CENPS: variants seen among roughly 807,000 people sequenced by gnomAD.
CENPS encodes the protein centromere protein S, also known as FANCM associated histone fold protein 1.
CENPS carries 16 observed loss-of-function variants against 17.9 expected under a neutral mutation model. That is an observed-to-expected ratio of 0.90 (90% confidence interval 0.61 to 1.36). The LOEUF is 1.36. CENPS is among the 40% of genes most tolerant of loss of function. The pLI is 0.00. For missense variants in CENPS, 160 were observed against 158.6 expected, an observed-to-expected ratio of 1.01 and a Z score of -0.05; for synonymous variants, 49 against 55.8, an observed-to-expected ratio of 0.88 and a Z score of 0.54.
At chr1:10,433,742 A>AT (rs1640026163) in intron 1 of CENPS, 100 bp from the exon 2 acceptor site, 1 of 1,562,624 alleles carries the variant, frequency 6.4e-7, no homozygotes, top group South Asian at 1.2e-5. Context: ...CGCCAGAGGG[A>AT]TTGGGCTGAG....
At position 10,430,451 on chromosome 1, in the gene CENPS, C is replaced by T. The variant is rs1264613563; in HGVS notation, c.-67C>T. The T allele has an allele frequency of 1.3e-6, 2 of 1,521,596 alleles. No individual in the cohort carries two copies. Among genetic ancestry groups the T allele is most frequent in the African/African-American group, 1.4e-5 (1 of 69,082 alleles). The allele number at this position is 1,521,596 out of a possible 1,614,324, so 94.3% of individuals were successfully genotyped here. On this transcript the variant is annotated 5_prime_UTR_variant, in exon 1 of 5. Transcript: ENST00000309048. Reference sequence around the variant, plus strand: ...GTCGCTCGCGCCGCGGCGGGAAAATCCGACCTGGCCGCGCACCACCGCCCC... The same window carrying T: ...GTCGCTCGCGCCGCGGCGGGAAAATTCGACCTGGCCGCGCACCACCGCCCC...
chr1:10,430,556 C>T lies in CENPS; in HGVS notation c.39C>T (p.Phe13=), dbSNP rs951145733. Residue 13 remains phenylalanine (F), a synonymous_variant, in exon 1 of 5, where the codon TTC becomes TTT. Transcript: ENST00000309048. The part of the protein sequence containing the change: ...EEAETEEQQR[F]SYQQRLKAAV... ...CGGAGACCGAGGAGCAGCAGCGATT[C>T]TCTTACCAACAGGTACAGGAAAACG... 9.1e-6 allele frequency: 14 copies of T among 1,534,408 alleles called. No homozygotes were observed. In the African/African-American group the frequency reaches 1.6e-4, roughly 17 times the overall value.
intron 1 of CENPS, among the ~76,000 whole-genome samples, chr1:10,433,105 G>A (rs1639994756): frequency 6.6e-6 from 1 of 152,028 alleles, no homozygotes; most frequent in African/African-American, 2.4e-5. Context: ...CTGTGTCTTC[G>A]GCCCCGAGGC....
chr1:10,437,898 G>A (rs1355729188), intron 3 of CENPS, among the ~76,000 whole-genome samples: 1 of 151,202 alleles, frequency 6.6e-6, no homozygotes, highest in African/African-American at 2.4e-5. Context: ...GAGTAGCTGG[G>A]ACTACAGGCA....
At chr1:10,435,981 A>ATT (rs141993546) in intron 3 of CENPS, among the ~76,000 whole-genome samples, 5 of 142,426 alleles carry the variant, frequency 3.5e-5, no homozygotes, top group Admixed American at 7.0e-5. Flanking sequence ...TAAGAGGTTG[A>ATT]TTTTTTTTTT....
intron 1 of CENPS, chr1:10,431,341 T>C (rs1325998685): frequency 1.3e-6 from 2 of 1,535,318 alleles, no homozygotes; most frequent in Admixed American, 2.0e-5. Context: ...CTGCAGCAGC[T>C]GTCTACCCTG....
intron 3 of CENPS, 103 bp downstream of exon 3, chr1:10,434,793 G>C: frequency 1.4e-6 from 2 of 1,428,030 alleles, no homozygotes; most frequent in Non-Finnish European, 1.8e-6. Context: ...TCAGTTTTCC[G>C]TGTGTTTTGT....
chr1:10,430,836 C>T, intron 1 of CENPS: 4 of 1,338,784 alleles, frequency 3.0e-6, no homozygotes, highest in South Asian at 3.8e-5. Context: ...GAGAGGCCAC[C>T]TTCTGGCCTT....
chr1:10,441,517 T>G (rs1419777701), intron 4 of CENPS, among the ~76,000 whole-genome samples: 1 of 151,690 alleles, frequency 6.6e-6, no homozygotes, highest in Non-Finnish European at 1.5e-5. Context: ...TTTCACCATA[T>G]TGCCTGGGCT....
chr1:10,437,324 C>CCA (rs1640208190), intron 3 of CENPS, among the ~76,000 whole-genome samples: 2 of 151,542 alleles, frequency 1.3e-5, no homozygotes, highest in African/African-American at 4.9e-5. Flanking sequence ...CTGTGCCTGG[C>CCA]ATCTTTTTTC....
intron 4 of CENPS, among the ~76,000 whole-genome samples, chr1:10,441,944 A>G (rs904957754): frequency 6.6e-6 from 1 of 152,160 alleles, no homozygotes; most frequent in African/African-American, 2.4e-5. Context: ...AACTCTTAAT[A>G]ACACAACTTA....
Position 10,442,609 on chromosome 1 carries a change from A to G in CENPS, c.*204A>G. On this transcript the variant is annotated 3_prime_UTR_variant, in exon 5 of 5. Coordinates refer to ENST00000309048, the MANE Select transcript of CENPS (RefSeq NM_199294.3). ...AGAGAATGAGAAAGTCTTAAGCAAA[A>G]TACTCCCAGGTCTCACTCCAGAACA... 2 of 838,042 alleles carry G rather than the reference A, an allele frequency of 2.4e-6. No individual in the cohort carries two copies. 51.9% of individuals were successfully genotyped at this position (838,042 alleles called of 1,614,324 possible). A position where few individuals can be genotyped will look rare whatever the true frequency, so the allele number is the denominator to read the frequency against.
At chr1:10,433,713 A>G in intron 1 of CENPS, 129 bp from the exon 2 acceptor site, 1 of 1,501,008 alleles carries the variant, frequency 6.7e-7, no homozygotes. Context: ...TTGAAAAGCC[A>G]CTCAGCCATT....
intron 3 of CENPS, among the ~76,000 whole-genome samples, chr1:10,438,345 G>T (rs1194312704): frequency 6.6e-6 from 1 of 151,534 alleles, no homozygotes; most frequent in African/African-American, 2.4e-5. Flanking sequence ...GGGTTTCACT[G>T]TGTTGGCCAG....
chr1:10,430,671 C>A, intron 1 of CENPS, 103 bp downstream of exon 1: 1 of 1,439,320 alleles, frequency 6.9e-7, no homozygotes, highest in East Asian at 2.9e-5. Context: ...CGGCACCCCG[C>A]CCCCGGGCGC....
chr1:10,435,767 G>A (rs962587988), intron 3 of CENPS, among the ~76,000 whole-genome samples: 12 of 148,226 alleles, frequency 8.1e-5, no homozygotes, highest in Non-Finnish European at 1.3e-4. Flanking sequence ...TAGAGACACA[G>A]CGTCTTGGTA....
At chr1:10,434,182 A>T (rs568140710) in intron 2 of CENPS, among the ~76,000 whole-genome samples, 1 of 152,228 alleles carries the variant, frequency 6.6e-6, no homozygotes, top group African/African-American at 2.4e-5. Context: ...ACACTGGGGC[A>T]TTAACGCCTT....
At chr1:10,438,146 T>C (rs1034573388) in intron 3 of CENPS, among the ~76,000 whole-genome samples, 3 of 152,084 alleles carry the variant, frequency 2.0e-5, no homozygotes, top group African/African-American at 7.2e-5. Flanking sequence ...TGTTTTGTTT[T>C]GTTTTGTTTG....
Position 10,433,845 on chromosome 1 carries a change from C to G in CENPS, c.55C>G (p.Leu19Val). 2 of 1,614,126 alleles carry G rather than the reference C, an allele frequency of 1.2e-6. No individual in the cohort carries two copies. The highest frequency in any genetic ancestry group is 2.7e-5 in the African/African-American group (2 of 75,048). Residue 19 changes from leucine (L) to valine (V), a missense_variant, in exon 2 of 5, where the codon CTA (leucine) becomes GTA (valine). Leu to Val is a conservative substitution (Grantham distance 32). Coordinates refer to ENST00000309048, the MANE Select transcript of CENPS (RefSeq NM_199294.3). ...ATATTTTGATGTTTTTCCCCAGAGG[C>G]TAAAGGCAGCAGTTCACTATACTGT... Reference protein sequence around the residue: ...EQQRFSYQQRLKAAVHYTVGC... With the variant: ...EQQRFSYQQRVKAAVHYTVGC...
Sources: gnomAD v4.1 joint callset for allele counts (sites outside exome capture counted in the v4.1 genomes callset) on GRCh38, gnomAD v4.1.1 for gene constraint, MANE v1.5 for transcripts, NCBI Gene and HGNC (gene_info 2026-07-23, HGNC 2026-07-21) for gene names.